AK5: variants seen among roughly 807,000 people sequenced by gnomAD.
AK5 encodes adenylate kinase 5.
AK5 carries 27 observed loss-of-function variants against 69.5 expected under a neutral mutation model. The observed-to-expected ratio is 0.39, with a 90% CI of 0.29 to 0.54. AK5 has a LOEUF of 0.54. Among genes scored for constraint, AK5 ranks in the 20% least tolerant of loss-of-function variants. The pLI, the probability that AK5 is intolerant of heterozygous loss-of-function variation, is 0.71. For synonymous variants in AK5, 260 were observed against 244.4 expected (o/e 1.06, Z -0.60); for missense variants, 531 against 700.4 (o/e 0.76, Z 2.73).
At chr1:77,492,831 G>C (rs1402613242) in intron 10 of AK5, among the ~76,000 whole-genome samples, 1 of 152,154 alleles carries the variant, frequency 6.6e-6, no homozygotes, top group Non-Finnish European at 1.5e-5. Context: ...AGGTGGAGGG[G>C]GTACAGCCTA....
At chr1:77,488,942 C>A (rs1252736709) in intron 10 of AK5, among the ~76,000 whole-genome samples, 2 of 152,190 alleles carry the variant, frequency 1.3e-5, no homozygotes, top group African/African-American at 4.8e-5. Context: ...TTTATTATCA[C>A]ATAGAAATCT....
At chr1:77,408,223 A>G (rs1462022959) in intron 6 of AK5, among the ~76,000 whole-genome samples, 1 of 152,216 alleles carries the variant, frequency 6.6e-6, no homozygotes, top group Non-Finnish European at 1.5e-5. Context: ...TGCATTCCAC[A>G]GTGGCTGAAC....
chr1:77,479,088 T>G (rs1445034474), intron 8 of AK5, among the ~76,000 whole-genome samples: 1 of 152,114 alleles, frequency 6.6e-6, no homozygotes, highest in Non-Finnish European at 1.5e-5. Flanking sequence ...TAATCCCACT[T>G]TGAAATTTTA....
chr1:77,336,189 C>G (rs1661352415), intron 5 of AK5, among the ~76,000 whole-genome samples: 1 of 149,568 alleles, frequency 6.7e-6, no homozygotes, highest in Non-Finnish European at 1.5e-5. Flanking sequence ...TCAAGTGATT[C>G]TCCTGCCTCA....
At chr1:77,288,575 C>T (rs916474582) in intron 2 of AK5, among the ~76,000 whole-genome samples, 1 of 151,816 alleles carries the variant, frequency 6.6e-6, no homozygotes, top group Non-Finnish European at 1.5e-5. Context: ...GGAACACAAG[C>T]AAAAGAAGGC....
At chr1:77,545,336 G>C (rs936205880) in intron 13 of AK5, among the ~76,000 whole-genome samples, 1 of 152,032 alleles carries the variant, frequency 6.6e-6, no homozygotes, top group Non-Finnish European at 1.5e-5. Context: ...ACCATGGTGG[G>C]GGAGGGCTGA....
intron 5 of AK5, among the ~76,000 whole-genome samples, chr1:77,336,180 C>G (rs943485646): frequency 2.7e-5 from 4 of 149,834 alleles, no homozygotes; most frequent in African/African-American, 9.8e-5. Context: ...CTCCCGGGTT[C>G]AAGTGATTCT....
At chr1:77,381,929 A>G (rs1429570636) in intron 6 of AK5, among the ~76,000 whole-genome samples, 1 of 152,160 alleles carries the variant, frequency 6.6e-6, no homozygotes, top group African/African-American at 2.4e-5. Flanking sequence ...GAAAAAACTT[A>G]AATGCATTAT....
At position 77,534,961 on chromosome 1, in the gene AK5, T is replaced by A. The variant is rs146396797; in HGVS notation, c.1429-886T>A. 2.8e-3 allele frequency among the ~76,000 whole-genome samples: 433 copies of A among 152,296 alleles called. 2 individuals carry two copies. The highest frequency in any genetic ancestry group is 1.0e-2 in the African/African-American group (414 of 41,568). On this transcript the variant is annotated intron_variant, in intron 12 of 13. Coordinates refer to ENST00000354567, the MANE Select transcript of AK5 (RefSeq NM_174858.3). ...TCCTTATGCAATTGCACTCAGACAGTGGCTGGGGCTGAGATCCATGTCTGG... is the reference window on the plus strand; with the variant it reads ...TCCTTATGCAATTGCACTCAGACAGAGGCTGGGGCTGAGATCCATGTCTGG...
intron 8 of AK5, among the ~76,000 whole-genome samples, chr1:77,435,822 C>T (rs919726506): frequency 2.7e-4 from 41 of 152,122 alleles, no homozygotes; most frequent in Non-Finnish European, 1.2e-4. Flanking sequence ...TAAGTTTTAA[C>T]TTATAAACTA....
intron 5 of AK5, among the ~76,000 whole-genome samples, chr1:77,309,016 G>A (rs560805968): frequency 6.6e-6 from 1 of 150,952 alleles, no homozygotes; most frequent in Non-Finnish European, 1.5e-5. Context: ...TTATAAGTGG[G>A]AGCAGAACAA....
intron 13 of AK5, among the ~76,000 whole-genome samples, chr1:77,549,036 C>T (rs567112609): frequency 4.0e-5 from 6 of 151,700 alleles, no homozygotes; most frequent in African/African-American, 1.5e-4. Flanking sequence ...CCACCACACC[C>T]GTCTACTTTT....
chr1:77,288,025 A>G (rs1658462902), intron 2 of AK5, among the ~76,000 whole-genome samples: 1 of 152,264 alleles, frequency 6.6e-6, no homozygotes, highest in Non-Finnish European at 1.5e-5. Context: ...CTTTAACACT[A>G]GTTAATTCAA....
chr1:77,472,130 C>T (rs1450853714), intron 8 of AK5, among the ~76,000 whole-genome samples: 1 of 152,210 alleles, frequency 6.6e-6, no homozygotes, highest in East Asian at 1.9e-4. Context: ...CTGCCACCTG[C>T]AAGTAACCTA....
intron 10 of AK5, among the ~76,000 whole-genome samples, chr1:77,517,370 G>A (rs1437276392): frequency 6.6e-6 from 1 of 152,188 alleles, no homozygotes; most frequent in Non-Finnish European, 1.5e-5. Context: ...TGGCCACAAT[G>A]GGGAGGAGAG....
chr1:77,498,961 A>G (rs1656529244), intron 10 of AK5, among the ~76,000 whole-genome samples: 1 of 152,228 alleles, frequency 6.6e-6, no homozygotes, highest in Admixed American at 6.5e-5. Context: ...AGTTGAAATG[A>G]GAATGTGTCT....
chr1:77,382,641 C>T (rs941469914), intron 6 of AK5, among the ~76,000 whole-genome samples: 5 of 152,208 alleles, frequency 3.3e-5, no homozygotes, highest in African/African-American at 9.6e-5. Context: ...TAAGCCAGTG[C>T]GCCCAGCCTA....
chr1:77,314,193 A>C, intron 5 of AK5: 1 of 287,842 alleles, frequency 3.5e-6, no homozygotes, highest in Non-Finnish European at 6.7e-6. Context: ...TACGTTTTCA[A>C]GGAGGCTGGA....
At chr1:77,529,397 G>C (rs1481407735) in intron 12 of AK5, among the ~76,000 whole-genome samples, 7 of 149,598 alleles carry the variant, frequency 4.7e-5, no homozygotes, top group African/African-American at 1.5e-4. Flanking sequence ...GCAATGGCGT[G>C]ATCTCAGCTC....
Sources: gnomAD v4.1 joint callset for allele counts (sites outside exome capture counted in the v4.1 genomes callset) on GRCh38, gnomAD v4.1.1 for gene constraint, MANE v1.5 for transcripts, NCBI Gene and HGNC (gene_info 2026-07-23, HGNC 2026-07-21) for gene names.